The following PDGFRA variants were observed in gnomAD, a reference collection of about 807,000 sequenced individuals.
PDGFRA encodes platelet-derived growth factor receptor alpha.
A neutral mutation model predicts 121.5 loss-of-function variants in PDGFRA; 25 were observed. That is an observed-to-expected ratio of 0.21 (90% CI 0.15 to 0.29). The LOEUF (loss-of-function observed/expected upper bound fraction) is 0.29, where lower values mean the gene tolerates loss of function less well. Ranked by LOEUF, PDGFRA falls within the 10% of genes least tolerant of loss-of-function variation. The probability of loss-of-function intolerance (pLI) is 1.00; values close to 1 mark genes in which losing one functional copy is unlikely to be tolerated. For missense variants in PDGFRA, 1,008 were observed against 1,345.1 expected, an observed-to-expected ratio of 0.75 and a Z score of 3.92; for synonymous variants, 463 against 494.8, an observed-to-expected ratio of 0.94 and a Z score of 0.85.
chr4:54,264,915 A>T lies in PDGFRA; in HGVS notation c.629-4A>T, dbSNP rs774121060. 6.2e-7 allele frequency: 1 copy of T among 1,608,338 alleles called. No individual in the cohort carries two copies. On this transcript the variant is annotated splice_polypyrimidine_tract_variant and splice_region_variant and intron_variant, in intron 4 of 22. Transcript: ENST00000257290. ...TAGGCCCTTGTATTTGTTCTTTTTT[A>T]TAGCAACATCAGAGCTGGATCTAGA...
chr4:54,244,656 A>T (rs1377873059), intron 1 of PDGFRA, among the ~76,000 whole-genome samples: 1 of 152,216 alleles, frequency 6.6e-6, no homozygotes, highest in Admixed American at 6.5e-5. Context: ...TGAAAAGCAG[A>T]GCGCCTCTCC....
chr4:54,288,675 GA>G (rs749236041), intron 19 of PDGFRA, 123 bp from the exon 20 acceptor site: 1 of 738,858 alleles, frequency 1.4e-6, no homozygotes, highest in Non-Finnish European at 2.5e-6. Context: ...GAATTTTCTT[GA>G]AAAAACCAGT....
intron 1 of PDGFRA, among the ~76,000 whole-genome samples, chr4:54,234,451 C>T (rs927351912): frequency 6.6e-6 from 1 of 152,242 alleles, no homozygotes; most frequent in African/African-American, 2.4e-5. Flanking sequence ...CTCGTAAGAA[C>T]TACTGCGACC....
In PDGFRA at chr4:54,296,590, G is replaced by A. The variant is rs1724894450; in HGVS notation, c.*1318G>A. 1 of 232,620 alleles carries A rather than the reference G, an allele frequency of 4.3e-6. No homozygotes were observed. The highest frequency in any genetic ancestry group is 8.5e-6 in the Non-Finnish European group (1 of 117,690). 14.4% of individuals were successfully genotyped at this position (232,620 alleles called of 1,614,324 possible). On this transcript the variant is annotated 3_prime_UTR_variant, in exon 23 of 23. Coordinates refer to ENST00000257290, the MANE Select transcript of PDGFRA (RefSeq NM_006206.6). ...GCCTGGATCCTCAGTTCTCAAATGT[G>A]TGTGGCAGCCAGGATGACTAGATCC...
intron 22 of PDGFRA, among the ~76,000 whole-genome samples, chr4:54,293,429 C>CTTTTTT (rs35064429): frequency 1.0e-4 from 12 of 116,128 alleles, no homozygotes; most frequent in Non-Finnish European, 1.7e-4. Flanking sequence ...CCTAGAATTT[C>CTTTTTT]TTTTTTTTTT....
intron 1 of PDGFRA, among the ~76,000 whole-genome samples, chr4:54,250,644 C>G (rs1440699245): frequency 6.6e-6 from 1 of 152,206 alleles, no homozygotes; most frequent in East Asian, 1.9e-4. Context: ...CATCTTTAAT[C>G]AGCTGTCCTA....
intron 1 of PDGFRA, among the ~76,000 whole-genome samples, chr4:54,249,726 G>C (rs569783168): frequency 6.6e-6 from 1 of 151,968 alleles, no homozygotes; most frequent in Admixed American, 6.6e-5. Context: ...CATGGCACAT[G>C]TATACATATG....
rs61317836 is a variant in PDGFRA at position 54,264,834 on chromosome 4, TA to T, written c.629-68del. The T allele has an allele frequency of 0.22, 227,538 of 1,012,026 alleles. 2,271 individuals carry two copies. The highest frequency in any genetic ancestry group is 0.34 in the Admixed American group (14,112 of 41,412). 62.7% of individuals were successfully genotyped at this position (1,012,026 alleles called of 1,614,324 possible). A position where few individuals can be genotyped will look rare whatever the true frequency, so the allele number is the denominator to read the frequency against. ...TGCAAATTATTTTTCAGGGTTTTCT[TA>T]AAAAAAAAAAAAAAAACCCAAACTT... On this transcript the variant is annotated intron_variant, in intron 4 of 22. Coordinates refer to ENST00000257290, the MANE Select transcript of PDGFRA (RefSeq NM_006206.6).
Position 54,278,346 on chromosome 4 carries a change from G to C in PDGFRA, c.2003-16G>C, listed in dbSNP as rs1315612472. 1 of 1,609,642 alleles carries C rather than the reference G, an allele frequency of 6.2e-7. No individual in the cohort carries two copies. On this transcript the variant is annotated splice_polypyrimidine_tract_variant and intron_variant, in intron 14 of 22. Coordinates refer to ENST00000257290, the MANE Select transcript of PDGFRA (RefSeq NM_006206.6). ...TCATTTTCATACCCATCTCCTAACG[G>C]CTTTTGTCCCCATAGGCCCCATTTA...
At chr4:54,292,936 T>C (rs1266675228) in intron 22 of PDGFRA, among the ~76,000 whole-genome samples, 2 of 152,210 alleles carry the variant, frequency 1.3e-5, no homozygotes, top group Non-Finnish European at 2.9e-5. Flanking sequence ...GATACTGTGC[T>C]TATTATTTGG....
At chr4:54,234,805 G>T (rs1301028643) in intron 1 of PDGFRA, among the ~76,000 whole-genome samples, 2 of 152,116 alleles carry the variant, frequency 1.3e-5, no homozygotes, top group Non-Finnish European at 2.9e-5. Context: ...TACTCCTAAG[G>T]TTGTGCCATT....
At chr4:54,283,950 T>G (rs1724190241) in intron 16 of PDGFRA, among the ~76,000 whole-genome samples, 2 of 152,198 alleles carry the variant, frequency 1.3e-5, no homozygotes, top group Non-Finnish European at 2.9e-5. Context: ...TTTCTTTGCT[T>G]CTGCATCTGA....
chr4:54,264,429 T>A (rs927903204), intron 4 of PDGFRA: 1 of 245,242 alleles, frequency 4.1e-6, no homozygotes, highest in Non-Finnish European at 7.9e-6. Flanking sequence ...GCAGCAAGAG[T>A]ACACTGTTTT....
At chr4:54,277,248 T>C in intron 12 of PDGFRA, 140 bp from the exon 13 acceptor site, 1 of 714,078 alleles carries the variant, frequency 1.4e-6, no homozygotes, top group Non-Finnish European at 2.6e-6. Context: ...TTTGACACGA[T>C]GACTTGGAGG....
Position 54,290,324 on chromosome 4 carries a change from A to G in PDGFRA, c.2892A>G (p.Lys964=). Residue 964 remains lysine (K), a synonymous_variant, in exon 22 of 23, where the codon AAA becomes AAG. Coordinates refer to ENST00000257290, the MANE Select transcript of PDGFRA (RefSeq NM_006206.6). ...ATGAATGTTTATAGAGTTATGAAAA[A>G]ATTCACCTGGACTTCCTGAAGAGTG... ...LPGQYKKSYE[K]IHLDFLKSDH... 6.2e-7 allele frequency: 1 copy of G among 1,611,918 alleles called. No homozygotes were observed. Among genetic ancestry groups the G allele is most frequent in the East Asian group, 2.2e-5 (1 of 44,876 alleles).
intron 22 of PDGFRA, among the ~76,000 whole-genome samples, chr4:54,292,611 A>G (rs899746881): frequency 6.6e-6 from 1 of 152,148 alleles, no homozygotes; most frequent in Non-Finnish European, 1.5e-5. Flanking sequence ...GCAAACCACC[A>G]TGACGCATGT....
At chr4:54,268,488 G>C (rs1405814163) in intron 7 of PDGFRA, among the ~76,000 whole-genome samples, 2 of 152,188 alleles carry the variant, frequency 1.3e-5, no homozygotes, top group African/African-American at 4.8e-5. Flanking sequence ...CAGCTAACCA[G>C]CCCTATACTT....
chr4:54,262,088 C>T (rs374886039), intron 3 of PDGFRA, among the ~76,000 whole-genome samples: 4 of 151,730 alleles, frequency 2.6e-5, no homozygotes, highest in African/African-American at 7.3e-5. Context: ...TGCACCACCA[C>T]GCCCAGCTAA....
At chr4:54,248,945 C>A (rs1207033362) in intron 1 of PDGFRA, among the ~76,000 whole-genome samples, 3 of 152,096 alleles carry the variant, frequency 2.0e-5, no homozygotes, top group Admixed American at 2.0e-4. Flanking sequence ...GACATTTAAG[C>A]AGCCAAAAAA....
Sources: allele counts gnomAD v4.1 joint callset (sites outside exome capture counted in the v4.1 genomes callset), GRCh38; gene constraint gnomAD v4.1.1; transcripts MANE v1.5; gene names NCBI Gene and HGNC (gene_info 2026-07-23, HGNC 2026-07-21).